Variants in DCC observed in about 807,000 individuals in gnomAD.
The protein encoded by DCC is netrin receptor DCC.
A neutral mutation model predicts 172.5 loss-of-function variants in DCC; 58 were observed. The observed-to-expected ratio is 0.34, with a 90% CI of 0.27 to 0.42. The LOEUF (loss-of-function observed/expected upper bound fraction) is 0.42, where lower values mean the gene tolerates loss of function less well. Among genes scored for constraint, DCC ranks in the 10% least tolerant of loss-of-function variants. DCC has a pLI of 1.00. For synonymous variants in DCC, 709 were observed against 644.5 expected (o/e 1.10, Z -1.52); for missense variants, 1,740 against 1,791.0 (o/e 0.97, Z 0.51).
intron 1 of DCC, among the ~76,000 whole-genome samples, chr18:52,489,873 A>T (rs1349942295): frequency 1.3e-5 from 2 of 152,104 alleles, no homozygotes; most frequent in Non-Finnish European, 2.9e-5. Flanking sequence ...TGAGCCCATT[A>T]TCTTTAATTT....
chr18:53,173,769 A>G (rs1194836234), intron 8 of DCC, among the ~76,000 whole-genome samples: 1 of 143,710 alleles, frequency 7.0e-6, no homozygotes, highest in Non-Finnish European at 1.5e-5. Context: ...AGACAGATCA[A>G]CGAGACAGAA....
In DCC at chr18:52,589,518, C is replaced by T. The variant is rs190472042; in HGVS notation, c.92-162536C>T. 1.3e-4 allele frequency among the ~76,000 whole-genome samples: 20 copies of T among 152,268 alleles called. 1 individual carries two copies. Among genetic ancestry groups the T allele is most frequent in the Admixed American group, 2.6e-4 (4 of 15,296 alleles). ...TGTTCTCAAGCTGTGTATGCATAGT[C>T]CTCATTTATTTCTTGTCAATCTGCA... is the stretch of plus-strand genomic sequence containing the variant. On this transcript the variant is annotated intron_variant, in intron 1 of 28. Coordinates refer to ENST00000442544, the MANE Select transcript of DCC (RefSeq NM_005215.4).
At chr18:52,891,225 C>A (rs530268566) in intron 2 of DCC, among the ~76,000 whole-genome samples, 3 of 151,992 alleles carry the variant, frequency 2.0e-5, no homozygotes, top group Non-Finnish European at 4.4e-5. Context: ...CTATTAAGAA[C>A]CCTGATGATA....
chr18:53,351,814 G>A (rs2057816721), intron 15 of DCC, among the ~76,000 whole-genome samples: 1 of 151,782 alleles, frequency 6.6e-6, no homozygotes, highest in African/African-American at 2.4e-5. Flanking sequence ...GCAACTTGCT[G>A]TGTTTCTTCT....
chr18:52,987,654 G>A (rs936799000), intron 5 of DCC, among the ~76,000 whole-genome samples: 8 of 152,156 alleles, frequency 5.3e-5, no homozygotes, highest in African/African-American at 1.9e-4. Context: ...TGGTTGAGTT[G>A]CAACAGAGCC....
intron 1 of DCC, among the ~76,000 whole-genome samples, chr18:52,666,739 G>T (rs1348116036): frequency 2.6e-5 from 4 of 152,146 alleles, no homozygotes; most frequent in African/African-American, 9.7e-5. Flanking sequence ...TTGTTAGTAT[G>T]TCACCAGCCA....
intron 19 of DCC, among the ~76,000 whole-genome samples, chr18:53,404,703 C>T (rs1484396849): frequency 6.6e-6 from 1 of 151,192 alleles, no homozygotes; most frequent in East Asian, 1.9e-4. Context: ...TGCACTCCAG[C>T]CTGGGCGACA....
chr18:52,729,810 C>A (rs1335794135), intron 1 of DCC, among the ~76,000 whole-genome samples: 1 of 151,504 alleles, frequency 6.6e-6, no homozygotes, highest in East Asian at 1.9e-4. Flanking sequence ...AGAGGCAAAT[C>A]TAAGGGTAGA....
At chr18:53,051,953 A>G (rs1373837535) in intron 5 of DCC, among the ~76,000 whole-genome samples, 1 of 152,066 alleles carries the variant, frequency 6.6e-6, no homozygotes, top group Non-Finnish European at 1.5e-5. Context: ...TTATGGCATC[A>G]GGAATGCCAG....
intron 8 of DCC, among the ~76,000 whole-genome samples, chr18:53,175,625 G>A (rs1381032470): frequency 1.3e-5 from 2 of 151,656 alleles, no homozygotes; most frequent in African/African-American, 4.8e-5. Context: ...TACAAGGGAT[G>A]TGAAGGACCT....
intron 2 of DCC, among the ~76,000 whole-genome samples, chr18:52,818,644 A>T (rs908169668): frequency 5.9e-5 from 9 of 152,160 alleles, no homozygotes; most frequent in African/African-American, 2.2e-4. Context: ...AAAGATCATT[A>T]GATCAATGGT....
chr18:52,836,603 A>G (rs1481252216), intron 2 of DCC, among the ~76,000 whole-genome samples: 1 of 152,208 alleles, frequency 6.6e-6, no homozygotes, highest in Non-Finnish European at 1.5e-5. Flanking sequence ...CTTTGACTCC[A>G]TGTCTCACGT....
intron 2 of DCC, among the ~76,000 whole-genome samples, chr18:52,783,260 T>C (rs2037583134): frequency 6.7e-6 from 1 of 149,132 alleles, no homozygotes; most frequent in African/African-American, 2.5e-5. Flanking sequence ...AACACCGATT[T>C]AAACTCCTTG....
chr18:53,218,242 G>C (rs1468507425), intron 12 of DCC, among the ~76,000 whole-genome samples: 1 of 152,074 alleles, frequency 6.6e-6, no homozygotes. Context: ...TGTAAATATA[G>C]AGCACAATTG....
rs1329736052 is a variant in DCC at position 53,178,895 on chromosome 18, C to G, written c.1419-67C>G. 3.2e-6 allele frequency: 5 copies of G among 1,580,012 alleles called. No individual in the cohort carries two copies. The East Asian group carries it at 1.1e-4, about 35-fold the overall frequency. On this transcript the variant is annotated intron_variant, in intron 8 of 28. Transcript: ENST00000442544. The stretch of plus-strand genomic sequence containing the variant: ...GGTTCACCTCACTACTCTTGCACAT[C>G]AAATACAGATTTTGGCTGAAGGTAT...
At chr18:53,495,267 C>A (rs538120248) in intron 26 of DCC, among the ~76,000 whole-genome samples, 1 of 151,926 alleles carries the variant, frequency 6.6e-6, no homozygotes, top group Admixed American at 6.6e-5. Flanking sequence ...TGGTGGGCAC[C>A]TGTAATCCCA....
intron 9 of DCC, among the ~76,000 whole-genome samples, chr18:53,184,100 G>T (rs2055242246): frequency 6.6e-6 from 1 of 151,664 alleles, no homozygotes; most frequent in Non-Finnish European, 1.5e-5. Flanking sequence ...ATACTCATCA[G>T]GGTAATCACT....
At chr18:52,458,367 C>A (rs536921955) in intron 1 of DCC, among the ~76,000 whole-genome samples, 2 of 152,118 alleles carry the variant, frequency 1.3e-5, no homozygotes, top group East Asian at 1.9e-4. Flanking sequence ...ATTGTCCCCC[C>A]CTGACTGCGT....
At chr18:52,826,566 G>A (rs547325535) in intron 2 of DCC, among the ~76,000 whole-genome samples, 8 of 151,978 alleles carry the variant, frequency 5.3e-5, no homozygotes, top group South Asian at 2.1e-4. Context: ...CTGCAACTTC[G>A]GTCTCCCAGC....
Sources: allele counts gnomAD v4.1 joint callset (sites outside exome capture counted in the v4.1 genomes callset), GRCh38; gene constraint gnomAD v4.1.1; transcripts MANE v1.5; gene names NCBI Gene and HGNC (gene_info 2026-07-23, HGNC 2026-07-21).